The following INTS15 variants were observed in gnomAD, a reference collection of about 807,000 sequenced individuals.
The protein encoded by INTS15 is integrator complex subunit 15.
chr7:6,594,518 G>T, the INTS15 span: 15 of 1,613,982 alleles, frequency 9.3e-6, no homozygotes, highest in East Asian at 2.2e-5. Flanking sequence ...CCATTCAGAC[G>T]CTGAAGCAGA....
the INTS15 span, chr7:6,602,626 G>A: frequency 7.5e-5 from 35 of 466,010 alleles, no homozygotes; most frequent in Admixed American, 2.8e-4. Context: ...AGCTTACCCC[G>A]TTGTAAAATG....
the INTS15 span, among the ~76,000 whole-genome samples, chr7:6,602,988 G>A: frequency 2.0e-5 from 3 of 152,132 alleles, no homozygotes; most frequent in African/African-American, 4.8e-5. Context: ...GGTGGCTCAC[G>A]CCTGTAATCC....
At chr7:6,600,237 A>G in the INTS15 span, 1 of 1,614,194 alleles carries the variant, frequency 6.2e-7, no homozygotes, top group South Asian at 1.1e-5. Flanking sequence ...GAGGAGATCA[A>G]CAGGTTGGCG....
the INTS15 span, among the ~76,000 whole-genome samples, chr7:6,601,492 C>T: frequency 6.6e-6 from 1 of 151,930 alleles, no homozygotes; most frequent in African/African-American, 2.4e-5. Flanking sequence ...GACGGGGTTT[C>T]ACCATGTCGG....
chr7:6,601,341 G>T, the INTS15 span, among the ~76,000 whole-genome samples: 16 of 151,766 alleles, frequency 1.1e-4, no homozygotes, highest in Non-Finnish European at 1.9e-4. Flanking sequence ...CTTTGCCCAG[G>T]CTGGAGTGCA....
At chr7:6,599,595 C>G in the INTS15 span, among the ~76,000 whole-genome samples, 1 of 152,314 alleles carries the variant, frequency 6.6e-6, no homozygotes, top group South Asian at 2.1e-4. Flanking sequence ...TGCAGCCTCT[C>G]CCTTGCTCCA....
the INTS15 span, among the ~76,000 whole-genome samples, chr7:6,597,000 G>A: frequency 4.6e-5 from 7 of 151,700 alleles, no homozygotes; most frequent in African/African-American, 9.7e-5. Context: ...GGATGGTCTC[G>A]ATCACCTGAC....
the INTS15 span, among the ~76,000 whole-genome samples, chr7:6,607,028 G>A: frequency 3.0e-4 from 45 of 152,066 alleles, no homozygotes; most frequent in Non-Finnish European, 6.3e-4. This position sits in a 1 kb window ranked among gnomAD's most constrained non-coding sequence, Gnocchi z 6.0. Context: ...GAGAACCCAT[G>A]GGGAGTTGGT....
At chr7:6,604,216 A>G in the INTS15 span, among the ~76,000 whole-genome samples, 1 of 152,240 alleles carries the variant, frequency 6.6e-6, no homozygotes, top group South Asian at 2.1e-4. Flanking sequence ...AGCTGGGACT[A>G]CAGGTGTGCG....
the INTS15 span, among the ~76,000 whole-genome samples, chr7:6,604,612 C>T: frequency 6.6e-6 from 1 of 152,148 alleles, no homozygotes; most frequent in South Asian, 2.1e-4. Flanking sequence ...CCTGGGGGTG[C>T]ACACAGCCTC....
the INTS15 span, chr7:6,594,518 G>A: frequency 3.7e-6 from 6 of 1,613,982 alleles, no homozygotes; most frequent in South Asian, 1.1e-5. Context: ...CCATTCAGAC[G>A]CTGAAGCAGA....
At chr7:6,590,452 A>G in the INTS15 span, 300 of 1,596,124 alleles carry the variant, frequency 1.9e-4, 1 homozygote, top group South Asian at 2.9e-3. Context: ...CCAGGTGCCC[A>G]AGGAGCGCAG....
chr7:6,600,076 C>T, the INTS15 span: 27 of 1,614,074 alleles, frequency 1.7e-5, no homozygotes, highest in South Asian at 6.6e-5. Context: ...AGGACCCGGG[C>T]GTGGGGATGG....
At chr7:6,601,041 C>G in the INTS15 span, among the ~76,000 whole-genome samples, 1 of 152,116 alleles carries the variant, frequency 6.6e-6, no homozygotes, top group Non-Finnish European at 1.5e-5. Flanking sequence ...GATCGTAGCT[C>G]GCCACAGTCT....
chr7:6,594,946 TC>T, the INTS15 span, among the ~76,000 whole-genome samples: 1 of 152,130 alleles, frequency 6.6e-6, no homozygotes, highest in African/African-American at 2.4e-5. Context: ...CAGGCCGATC[TC>T]AAACCCCTGA....
At chr7:6,607,474 A>T in the INTS15 span, 1 of 1,244,980 alleles carries the variant, frequency 8.0e-7, no homozygotes. The surrounding 1 kb of genome is among the most constrained non-coding windows in gnomAD (Gnocchi z 6.0). Context: ...GAGGTCTGTA[A>T]CGGCTGGGTC....
chr7:6,607,998 C>T, the INTS15 span: 8 of 1,599,960 alleles, frequency 5.0e-6, no homozygotes, highest in South Asian at 2.2e-5. This position sits in a 1 kb window ranked among gnomAD's most constrained non-coding sequence, Gnocchi z 6.0. Context: ...GTGCAGCAGT[C>T]GCCTCACGCC....
the INTS15 span, among the ~76,000 whole-genome samples, chr7:6,606,203 G>A: frequency 6.6e-6 from 1 of 152,202 alleles, no homozygotes; most frequent in Non-Finnish European, 1.5e-5. Context: ...TTATTTAATA[G>A]TAGTAACAGA....
At chr7:6,598,596 C>T in the INTS15 span, among the ~76,000 whole-genome samples, 1 of 152,070 alleles carries the variant, frequency 6.6e-6, no homozygotes, top group Admixed American at 6.6e-5. Context: ...ATGGTGGGCA[C>T]AGCCCCAGAG....
Sources: allele counts gnomAD v4.1 joint callset (sites outside exome capture counted in the v4.1 genomes callset), GRCh38; gene constraint gnomAD v4.1.1; non-coding constraint Gnocchi (gnomAD v3.1); transcripts MANE v1.5; gene names NCBI Gene and HGNC (gene_info 2026-07-23, HGNC 2026-07-21).